The following SPOCK1 variants were observed in gnomAD, a reference collection of about 807,000 sequenced individuals.
SPOCK1 encodes testican-1.
SPOCK1 carries 23 observed loss-of-function variants against 55.3 expected under a neutral mutation model. The ratio of observed to expected loss-of-function variants is 0.42; its 90% CI spans 0.30 to 0.59. The LOEUF (loss-of-function observed/expected upper bound fraction) is 0.59, where lower values mean the gene tolerates loss of function less well. Ranked by LOEUF, SPOCK1 falls within the 20% of genes least tolerant of loss-of-function variation. SPOCK1 has a pLI of 0.22. For missense variants in SPOCK1, 499 were observed against 552.5 expected (o/e 0.90, Z 0.97); for synonymous variants, 226 against 221.0 (o/e 1.02, Z -0.20).
chr5:137,069,780 T>C (rs1752576523), intron 5 of SPOCK1, among the ~76,000 whole-genome samples: 1 of 152,252 alleles, frequency 6.6e-6, no homozygotes, highest in Non-Finnish European at 1.5e-5. Context: ...CTCTGGCTTA[T>C]TAAAAGAATC....
At chr5:137,289,097 C>T (rs994032476) in intron 2 of SPOCK1, among the ~76,000 whole-genome samples, 1 of 152,188 alleles carries the variant, frequency 6.6e-6, no homozygotes, top group Non-Finnish European at 1.5e-5. Flanking sequence ...CTGAACCTCA[C>T]TTATCCAATC....
chr5:137,075,224 G>A (rs1469417846), intron 5 of SPOCK1, among the ~76,000 whole-genome samples: 8 of 152,178 alleles, frequency 5.3e-5, no homozygotes, highest in African/African-American at 1.7e-4. Flanking sequence ...CTAATAGCCA[G>A]GGGAAGAAAA....
In SPOCK1 at chr5:137,038,534, G is replaced by A. The variant is rs7713364; in HGVS notation, c.589+29181C>T. Among the ~76,000 whole-genome samples the A allele has an allele frequency of 7.0e-3, 1,063 of 152,286 alleles. 14 individuals are homozygous for A. Among genetic ancestry groups the A allele is most frequent in the African/African-American group, 0.025 (1,021 of 41,542 alleles). On this transcript the variant is annotated intron_variant, in intron 6 of 10. Transcript: ENST00000394945. ...TTTAAGAGAGAAAAGGAAGAAGGCAGGGAAGGGCAAAGGGAATAACTACTT... is the reference window on the plus strand; with the variant it reads ...TTTAAGAGAGAAAAGGAAGAAGGCAAGGAAGGGCAAAGGGAATAACTACTT...
intron 3 of SPOCK1, among the ~76,000 whole-genome samples, chr5:137,218,579 C>T (rs17778815): frequency 0.16 from 24,569 of 152,256 alleles, 2,370 homozygotes; most frequent in South Asian, 0.26. Context: ...AACAATGCCA[C>T]TTATTTAATC....
chr5:137,139,902 A>G (rs1260164180), intron 4 of SPOCK1, among the ~76,000 whole-genome samples: 1 of 152,210 alleles, frequency 6.6e-6, no homozygotes, highest in African/African-American at 2.4e-5. Flanking sequence ...GCCTGTATCC[A>G]TCATTTGTGA....
chr5:137,155,043 T>A (rs1220529588), intron 3 of SPOCK1, among the ~76,000 whole-genome samples: 2 of 152,176 alleles, frequency 1.3e-5, no homozygotes, highest in African/African-American at 2.4e-5. Flanking sequence ...AGTGGTAACA[T>A]CTCCCTGATA....
At chr5:137,317,941 G>A (rs1463479183) in intron 2 of SPOCK1, among the ~76,000 whole-genome samples, 1 of 152,018 alleles carries the variant, frequency 6.6e-6, no homozygotes, top group Non-Finnish European at 1.5e-5. Context: ...GCTGTACCCA[G>A]TTTTGTTTTG....
chr5:137,384,563 C>CATAT (rs368458010), intron 2 of SPOCK1, among the ~76,000 whole-genome samples: 2,723 of 133,502 alleles, frequency 0.02, 132 homozygotes, highest in African/African-American at 0.09. Flanking sequence ...TACATACATA[C>CATAT]ATATATATAT....
chr5:137,320,871 AAC>A (rs1425668807), intron 2 of SPOCK1, among the ~76,000 whole-genome samples: 1 of 152,242 alleles, frequency 6.6e-6, no homozygotes, highest in Non-Finnish European at 1.5e-5. Flanking sequence ...GTAATGGGGA[AAC>A]ACAGCCCAGT....
At chr5:137,102,364 G>C (rs765872633) in intron 5 of SPOCK1, among the ~76,000 whole-genome samples, 5 of 152,054 alleles carry the variant, frequency 3.3e-5, no homozygotes, top group Admixed American at 2.0e-4. Context: ...AAGTGAATCT[G>C]GGGCTATTAA....
At chr5:137,272,329 AG>A (rs1756979515) in intron 2 of SPOCK1, among the ~76,000 whole-genome samples, 1 of 152,228 alleles carries the variant, frequency 6.6e-6, no homozygotes, top group Non-Finnish European at 1.5e-5. Flanking sequence ...TGATAATAGA[AG>A]TCACCAGAAA....
At chr5:137,232,969 C>A (rs942391737) in intron 3 of SPOCK1, among the ~76,000 whole-genome samples, 2 of 152,318 alleles carry the variant, frequency 1.3e-5, no homozygotes, top group African/African-American at 4.8e-5. Context: ...TTTCAGGCTA[C>A]ATGGAACATA....
intron 10 of SPOCK1, 41 bp from the exon 11 acceptor site, chr5:136,978,885 T>C: frequency 3.2e-6 from 5 of 1,567,528 alleles, no homozygotes; most frequent in Non-Finnish European, 4.3e-6. Flanking sequence ...TTTCCACTTA[T>C]ACCTCATGAC....
intron 2 of SPOCK1, among the ~76,000 whole-genome samples, chr5:137,296,353 G>C (rs901006925): frequency 2.0e-5 from 3 of 152,178 alleles, no homozygotes; most frequent in African/African-American, 7.2e-5. Flanking sequence ...AGGGGAGCCC[G>C]CATTCAAACT....
intron 2 of SPOCK1, among the ~76,000 whole-genome samples, chr5:137,279,612 G>A: frequency 6.6e-6 from 1 of 152,334 alleles, no homozygotes; most frequent in East Asian, 1.9e-4. Flanking sequence ...AATGGGAGAT[G>A]CTGGCAGCTC....
At chr5:137,427,273 C>G (rs909454605) in intron 2 of SPOCK1, among the ~76,000 whole-genome samples, 13 of 152,186 alleles carry the variant, frequency 8.5e-5, no homozygotes, top group African/African-American at 2.7e-4. Context: ...ACTGTGTTCA[C>G]TGCTGAAGTG....
intron 3 of SPOCK1, among the ~76,000 whole-genome samples, chr5:137,160,534 A>T (rs1257006818): frequency 0.01 from 554 of 54,656 alleles, 12 homozygotes; most frequent in African/African-American, 0.029. Context: ...ATATATAAAA[A>T]TATATAATAT....
intron 2 of SPOCK1, among the ~76,000 whole-genome samples, chr5:137,303,887 T>C (rs1018137173): frequency 6.6e-6 from 1 of 152,182 alleles, no homozygotes; most frequent in African/African-American, 2.4e-5. Flanking sequence ...CACTCCCTTT[T>C]CCTGTGGGCT....
intron 3 of SPOCK1, among the ~76,000 whole-genome samples, chr5:137,188,129 A>G (rs983171286): frequency 1.3e-5 from 2 of 152,186 alleles, no homozygotes; most frequent in African/African-American, 4.8e-5. Flanking sequence ...GAATCATGGC[A>G]GAAGAAAGGT....
Sources: allele counts gnomAD v4.1 joint callset (sites outside exome capture counted in the v4.1 genomes callset), GRCh38; gene constraint gnomAD v4.1.1; transcripts MANE v1.5; gene names NCBI Gene and HGNC (gene_info 2026-07-23, HGNC 2026-07-21).